The following MTG1 variants were observed in gnomAD, a reference collection of about 807,000 sequenced individuals.
The protein encoded by MTG1 is mitochondrial ribosome associated GTPase 1, also known as mitochondrial ribosome-associated GTPase 1.
In MTG1, 30 loss-of-function variants were observed where a neutral mutation model predicts 39.5. That is an observed-to-expected ratio of 0.76 (90% CI 0.57 to 1.03). MTG1 has a LOEUF of 1.03. Among genes scored for constraint, MTG1 ranks in the 50% least tolerant of loss-of-function variants. MTG1 has a pLI of 0.00. For synonymous variants in MTG1, 217 were observed against 179.0 expected (o/e 1.21, Z -1.69); for missense variants, 513 against 447.4 (o/e 1.15, Z -1.32).
At chr10:133,419,338 C>T in intron 9 of MTG1, 142 bp from the exon 10 acceptor site, 2 of 619,982 alleles carry the variant, frequency 3.2e-6, no homozygotes, top group East Asian at 2.9e-5. Flanking sequence ...TCATCTTGGT[C>T]ATCCACAGCG....
intron 6 of MTG1, 131 bp downstream of exon 6, chr10:133,399,750 C>A: frequency 1.2e-6 from 1 of 858,608 alleles, no homozygotes; most frequent in East Asian, 2.5e-5. Context: ...CCCGCAGCCC[C>A]AGAGCACATC....
At position 133,401,580 on chromosome 10, in the gene MTG1, C is replaced by G. The variant is rs375107080; in HGVS notation, c.563C>G (p.Ser188Cys). 2.3e-5 allele frequency: 37 copies of G among 1,611,870 alleles called. No individual in the cohort carries two copies. Among genetic ancestry groups the G allele is most frequent in the Non-Finnish European group, 2.6e-5 (31 of 1,178,642 alleles). ...GEPGITRAVMSKIQVSERPLM... is the reference protein window; with the variant it reads ...GEPGITRAVMCKIQVSERPLM... ...CCTGGGATCACCAGAGCTGTGATGT[C>G]CAAAATTCAGGTGGAGTCCTCAGGG... Residue 188 changes from serine to cysteine, a missense_variant, in exon 7 of 11, where the codon TCC becomes TGC. Ser to Cys is a moderately radical substitution (Grantham distance 112). Coordinates refer to ENST00000317502, the MANE Select transcript of MTG1 (RefSeq NM_138384.4).
intron 6 of MTG1, 111 bp from the exon 7 acceptor site, chr10:133,401,418 T>C: frequency 1.1e-6 from 1 of 870,838 alleles, no homozygotes; most frequent in Non-Finnish European, 1.8e-6. Context: ...GTTTGTTACA[T>C]AGTCTCCCTG....
intron 4 of MTG1, among the ~76,000 whole-genome samples, chr10:133,398,799 T>G (rs1442764275): frequency 2.6e-5 from 4 of 152,110 alleles, no homozygotes; most frequent in African/African-American, 9.7e-5. Context: ...TTTTCTGGCT[T>G]GATGTGTTTC....
At chr10:133,399,258 G>C (rs185683014) in intron 5 of MTG1, 32 bp downstream of exon 5, 151 of 1,612,742 alleles carry the variant, frequency 9.4e-5, no homozygotes, top group Admixed American at 2.5e-4. Flanking sequence ...CTGGGAGTGG[G>C]AGGCGGGCGT....
chr10:133,414,122 C>T (rs1037091141), intron 9 of MTG1, among the ~76,000 whole-genome samples: 4 of 149,328 alleles, frequency 2.7e-5, no homozygotes, highest in Admixed American at 6.7e-5. Context: ...TGACTCTTAA[C>T]GAGCATGCTG....
chr10:133,411,854 G>A (rs1218971224), intron 9 of MTG1, among the ~76,000 whole-genome samples: 3 of 151,098 alleles, frequency 2.0e-5, no homozygotes, highest in African/African-American at 7.3e-5. Flanking sequence ...GTTTTTCTGT[G>A]TTTTATTGGA....
chr10:133,402,287 C>T lies in MTG1; in HGVS notation c.670+42C>T, dbSNP rs769615188. Reference sequence around the variant, plus strand: ...GCTGGGGCTGGGGCTGGGACCGGGGCCCCTGCCACCCCACCTTTAGGGCTG... The same window carrying T: ...GCTGGGGCTGGGGCTGGGACCGGGGTCCCTGCCACCCCACCTTTAGGGCTG... On this transcript the variant is annotated intron_variant, in intron 8 of 10. Coordinates refer to ENST00000317502, the MANE Select transcript of MTG1 (RefSeq NM_138384.4). This position sits in a 1 kb window ranked among gnomAD's most constrained non-coding sequence, Gnocchi z 4.7. The T allele has an allele frequency of 2.8e-5, 45 of 1,608,868 alleles. No individual in the cohort carries two copies. The highest frequency in any genetic ancestry group is 3.6e-5 in the Non-Finnish European group (42 of 1,177,368).
Position 133,421,641 on chromosome 10 carries a change from T to A in MTG1, c.*1476T>A, listed in dbSNP as rs1185110597. 1 of 153,182 alleles carries A rather than the reference T, an allele frequency of 6.5e-6. No individual in the cohort carries two copies. Among genetic ancestry groups the A allele is most frequent in the Non-Finnish European group, 1.5e-5 (1 of 68,506 alleles). 9.5% of individuals were successfully genotyped at this position (153,182 alleles called of 1,614,324 possible). On this transcript the variant is annotated 3_prime_UTR_variant, in exon 11 of 11. Transcript: ENST00000317502. ...ATTGCTGGCAGTGTGGACGGGAGGC[T>A]GCAGGGCGCTGCCTCCTGTGGCTTA...
At chr10:133,398,547 T>G (rs2133493826) in intron 4 of MTG1, 32 bp downstream of exon 4, 1 of 1,588,546 alleles carries the variant, frequency 6.3e-7, no homozygotes, top group African/African-American at 1.4e-5. Flanking sequence ...TCTCTGACGC[T>G]TCTGCTTCAG....
At chr10:133,394,446 G>A in intron 1 of MTG1, 114 bp downstream of exon 1, 1 of 1,319,774 alleles carries the variant, frequency 7.6e-7, no homozygotes, top group Admixed American at 3.9e-5. Context: ...GGCTGGCCCC[G>A]CCCCTCCTCC....
At chr10:133,401,678 C>G in intron 7 of MTG1, 88 bp downstream of exon 7, 7 of 1,277,690 alleles carry the variant, frequency 5.5e-6, no homozygotes, top group Non-Finnish European at 7.9e-6. Context: ...CTTCCGGCTG[C>G]TGACCACGCT....
In MTG1 at chr10:133,419,510, C is replaced by T. The variant is rs936653784; in HGVS notation, c.783C>T (p.Ala261=). The change falls in exon 10 of 11, where the codon GCC becomes GCT. Residue 261 remains alanine (A), a synonymous_variant. Coordinates refer to ENST00000317502, the MANE Select transcript of MTG1 (RefSeq NM_138384.4). ...TGCAGCACTACGGCCTGGGCAGTGC[C>T]TGTGACAACGTAGAGCGCGTGCTGA... ...GYVQHYGLGS[A]CDNVERVLKS... The T allele has an allele frequency of 1.2e-6, 2 of 1,607,402 alleles. No individual in the cohort carries two copies. The highest frequency in any genetic ancestry group is 2.7e-5 in the African/African-American group (2 of 74,836).
In MTG1 at chr10:133,394,283, C is replaced by T; in HGVS notation, c.63C>T (p.Pro21=). ...AGGCCGCCTGGCGGGAGAACTTCCC[C>T]CTGTGCGGTCGCGACGTGGCGCGCT... ...AAQAAWRENF[P]LCGRDVARWF... is the part of the protein sequence containing the mutation. Residue 21 remains proline, a synonymous_variant, in exon 1 of 11, where the codon CCC becomes CCT. Coordinates refer to ENST00000317502, the MANE Select transcript of MTG1 (RefSeq NM_138384.4). 1 of 1,517,598 alleles carries T rather than the reference C, an allele frequency of 6.6e-7. No individual in the cohort carries two copies. The highest frequency in any genetic ancestry group is 8.8e-7 in the Non-Finnish European group (1 of 1,137,124). 94.0% of individuals were successfully genotyped at this position (1,517,598 alleles called of 1,614,324 possible).
At chr10:133,408,090 A>T (rs905413916) in intron 9 of MTG1, among the ~76,000 whole-genome samples, 1 of 152,150 alleles carries the variant, frequency 6.6e-6, no homozygotes, top group Admixed American at 6.5e-5. Context: ...TCTGGGTAGG[A>T]CTTCCAGTAT....
At chr10:133,400,380 G>A (rs1338811168) in intron 6 of MTG1, among the ~76,000 whole-genome samples, 1 of 152,230 alleles carries the variant, frequency 6.6e-6, no homozygotes, top group Non-Finnish European at 1.5e-5. Context: ...CTCTGTGCCT[G>A]TTCTCAGACT....
Position 133,394,338 on chromosome 10 carries a change from G to T in MTG1, c.112+6G>T. On this transcript the variant is annotated splice_donor_region_variant and intron_variant, in intron 1 of 10. Transcript: ENST00000317502. ...CCCGGGCCACATGGCCAAGGGTGAG[G>T]CACGGCGGGGAGGGGCAAGGTCATG... 1 of 1,493,118 alleles carries T rather than the reference G, an allele frequency of 6.7e-7. No homozygotes were observed. The allele number at this position is 1,493,118 out of a possible 1,614,324, so 92.5% of individuals were successfully genotyped here.
In MTG1 at chr10:133,399,568, G is replaced by A. The variant is rs1664213380; in HGVS notation, c.460G>A (p.Val154Met). Residue 154 changes from valine (V) to methionine (M), a missense_variant, in exon 6 of 11, where the codon GTG becomes ATG. Transcript: ENST00000317502. ...YCIMVIGVPN[V>M]GKSSLINSLR... is the part of the protein sequence containing the mutation. ...TATCATGGTCATTGGGGTCCCCAAC[G>A]TGGGCAAGTCCTCCCTCATCAACTC... is the stretch of plus-strand genomic sequence containing the variant. 2 of 1,614,210 alleles carry A rather than the reference G, an allele frequency of 1.2e-6. No homozygotes were observed. The highest frequency in any genetic ancestry group is 1.7e-6 in the Non-Finnish European group (2 of 1,180,028).
At chr10:133,394,462 C>T (rs979356589) in intron 1 of MTG1, 130 bp downstream of exon 1, 4 of 1,326,990 alleles carry the variant, frequency 3.0e-6, no homozygotes, top group South Asian at 3.5e-5. Context: ...CCTCCCTTGT[C>T]TCCCCTCCTT....
Sources: allele counts gnomAD v4.1 joint callset (sites outside exome capture counted in the v4.1 genomes callset), GRCh38; gene constraint gnomAD v4.1.1; non-coding constraint Gnocchi (gnomAD v3.1); transcripts MANE v1.5; gene names NCBI Gene and HGNC (gene_info 2026-07-23, HGNC 2026-07-21).